Variants in GFRA1 observed in about 807,000 individuals in gnomAD.
GFRA1 encodes the protein GDNF family receptor alpha-1.
In GFRA1, 16 loss-of-function variants were observed where a neutral mutation model predicts 51.6. The ratio of observed to expected loss-of-function variants is 0.31; its 90% confidence interval spans 0.21 to 0.47. GFRA1 has a LOEUF of 0.47. Among genes scored for constraint, GFRA1 ranks in the 20% least tolerant of loss-of-function variants. GFRA1 has a pLI of 1.00. For missense variants in GFRA1, 530 were observed against 594.3 expected (o/e 0.89, Z 1.13); for synonymous variants, 270 against 241.3 (o/e 1.12, Z -1.10).
At chr10:116,212,142 G>A (rs1480921944) in intron 4 of GFRA1, among the ~76,000 whole-genome samples, 2 of 152,044 alleles carry the variant, frequency 1.3e-5, no homozygotes, top group Non-Finnish European at 2.9e-5. Flanking sequence ...GTGTTAGAAA[G>A]GTTAAAAAAA....
At chr10:116,148,081 T>TGTGTGTGCATGCGTGTGTGCATGC (rs1160568827) in intron 5 of GFRA1, among the ~76,000 whole-genome samples, 1 of 33,346 alleles carries the variant, frequency 3.0e-5, no homozygotes, top group Non-Finnish European at 7.5e-5. Flanking sequence ...TGTGCATGTG[T>TGTGTGTGCATGCGTGTGTGCATGC]GTGTGTGCAT....
chr10:116,167,166 T>TA (rs1960544044), intron 5 of GFRA1, among the ~76,000 whole-genome samples: 1 of 152,180 alleles, frequency 6.6e-6, no homozygotes, highest in Admixed American at 6.5e-5. Flanking sequence ...AACCTTTAAA[T>TA]AGCAGAAGAA....
At chr10:116,106,790 G>A (rs139618067) in intron 6 of GFRA1, among the ~76,000 whole-genome samples, 1 of 152,306 alleles carries the variant, frequency 6.6e-6, no homozygotes, top group East Asian at 1.9e-4. Context: ...AACTCCCAGT[G>A]TTGGAGGTGG....
At chr10:116,262,653 C>T (rs1589921990) in intron 4 of GFRA1, among the ~76,000 whole-genome samples, 1 of 152,200 alleles carries the variant, frequency 6.6e-6, no homozygotes, top group African/African-American at 2.4e-5. Flanking sequence ...TCCTTTTTTA[C>T]CTGTTTGCAA....
At chr10:116,089,549 T>C (rs187625262) in intron 9 of GFRA1, among the ~76,000 whole-genome samples, 192 bp downstream of exon 9, 29 of 152,296 alleles carry the variant, frequency 1.9e-4, no homozygotes, top group African/African-American at 6.5e-4. Context: ...GTCAGTTCCA[T>C]AGTCGGACTT....
chr10:116,201,360 G>GT (rs1238142538), intron 5 of GFRA1, among the ~76,000 whole-genome samples: 2 of 152,104 alleles, frequency 1.3e-5, no homozygotes, highest in African/African-American at 4.8e-5. Context: ...AAAACAGAGG[G>GT]TTTTTTGCAG....
intron 6 of GFRA1, among the ~76,000 whole-genome samples, chr10:116,100,619 G>A (rs1211300996): frequency 6.6e-6 from 1 of 152,198 alleles, no homozygotes; most frequent in Non-Finnish European, 1.5e-5. Context: ...GCCACTGAAG[G>A]ATTTTAAACC....
chr10:116,079,799 G>T (rs777135787), intron 9 of GFRA1, among the ~76,000 whole-genome samples: 19 of 152,122 alleles, frequency 1.2e-4, no homozygotes, highest in Admixed American at 4.6e-4. Context: ...CACTGAAATC[G>T]ACAGGGTTGG....
rs1370496786 is a variant in GFRA1, at chr10:116,060,750, C to T, written c.*3648G>A. The stretch of plus-strand genomic sequence containing the variant: ...ACAGCCTCGAAAGAGAATTAGAACA[C>T]GTGAATTCATTTAAGCAGCCCTTTT... On this transcript the variant is annotated 3_prime_UTR_variant, in exon 11 of 11. Coordinates refer to ENST00000355422, the MANE Select transcript of GFRA1 (RefSeq NM_005264.8). The T allele has an allele frequency of 2.6e-5, 4 of 152,174 alleles. No homozygotes were observed. The highest frequency in any genetic ancestry group is 7.2e-5 in the African/African-American group (3 of 41,412). The allele number at this position is 152,174 out of a possible 1,614,324, so 9.4% of individuals were successfully genotyped here. A position where few individuals can be genotyped will look rare whatever the true frequency, so the allele number is the denominator to read the frequency against.
chr10:116,172,686 T>G (rs1021818861), intron 5 of GFRA1, among the ~76,000 whole-genome samples: 1 of 152,074 alleles, frequency 6.6e-6, no homozygotes, highest in Non-Finnish European at 1.5e-5. Context: ...GGGACGGGCA[T>G]GTGTAAGTGG....
At chr10:116,264,852 A>G (rs1969542941) in intron 4 of GFRA1, among the ~76,000 whole-genome samples, 1 of 152,196 alleles carries the variant, frequency 6.6e-6, no homozygotes. Context: ...GTTCTCAAAT[A>G]TAGGAACACC....
At chr10:116,188,025 A>T (rs2134307224) in intron 5 of GFRA1, among the ~76,000 whole-genome samples, 1 of 152,252 alleles carries the variant, frequency 6.6e-6, no homozygotes, top group South Asian at 2.1e-4. Flanking sequence ...AGATCTTATA[A>T]TCTGGTTGCC....
intron 4 of GFRA1, among the ~76,000 whole-genome samples, chr10:116,262,647 T>C (rs1969379281): frequency 6.6e-6 from 1 of 152,190 alleles, no homozygotes. Flanking sequence ...TTCTTTTCCT[T>C]TTTTACCTGT....
chr10:116,142,769 A>C (rs1958626505), intron 5 of GFRA1, among the ~76,000 whole-genome samples: 1 of 152,154 alleles, frequency 6.6e-6, no homozygotes, highest in Admixed American at 6.5e-5. Context: ...AAACATCAAC[A>C]GTAGAAAACC....
chr10:116,103,924 G>A (rs1454798964), intron 6 of GFRA1, among the ~76,000 whole-genome samples: 4 of 152,278 alleles, frequency 2.6e-5, no homozygotes, highest in African/African-American at 9.6e-5. Flanking sequence ...TGTGCATCTG[G>A]CTTCCTGGAG....
At chr10:116,156,505 T>C (rs1484495933) in intron 5 of GFRA1, among the ~76,000 whole-genome samples, 1 of 152,198 alleles carries the variant, frequency 6.6e-6, no homozygotes, top group African/African-American at 2.4e-5. Context: ...TGCCCCAACA[T>C]GGCCCATGCA....
rs148706075 is a variant in GFRA1, at chr10:116,102,321, A to G, written c.771-5557T>C. ...ATGTTCCACAGGCCTTAGAGACATG[A>G]CGGGTACTTTGAATGTATTGCAAGA... On this transcript the variant is annotated intron_variant, in intron 6 of 10. Coordinates refer to ENST00000355422, the MANE Select transcript of GFRA1 (RefSeq NM_005264.8). Among the ~76,000 whole-genome samples the G allele has an allele frequency of 5.3e-4, 80 of 152,330 alleles. No individual in the cohort carries two copies. The East Asian group carries it at 0.015, about 29-fold the overall frequency.
intron 5 of GFRA1, among the ~76,000 whole-genome samples, chr10:116,199,279 A>AGCCTTCTTCTCACCTGACGC (rs1307753496): frequency 6.6e-6 from 1 of 152,138 alleles, no homozygotes; most frequent in Non-Finnish European, 1.5e-5. Flanking sequence ...TTTGGCCCTA[A>AGCCTTCTTCTCACCTGACGC]GCCTTCTTCT....
chr10:116,142,141 T>C (rs1565605923), intron 5 of GFRA1, among the ~76,000 whole-genome samples: 2 of 152,168 alleles, frequency 1.3e-5, no homozygotes, highest in Non-Finnish European at 2.9e-5. Context: ...GGATTATTCA[T>C]TGTGGGCATT....
Sources: allele counts gnomAD v4.1 joint callset (sites outside exome capture counted in the v4.1 genomes callset), GRCh38; gene constraint gnomAD v4.1.1; transcripts MANE v1.5; gene names NCBI Gene and HGNC (gene_info 2026-07-23, HGNC 2026-07-21).